The following NTN1 variants were observed in gnomAD, a reference collection of about 807,000 sequenced individuals.
NTN1 encodes the protein netrin 1.
Under a neutral mutation model 54.2 loss-of-function variants are expected in NTN1, and 11 were observed. That is an observed-to-expected ratio of 0.20 (90% CI 0.13 to 0.34). The LOEUF is 0.34. NTN1 is among the 10% of genes least tolerant of loss of function. The probability of loss-of-function intolerance (pLI) is 1.00; values close to 1 mark genes in which losing one functional copy is unlikely to be tolerated. For synonymous variants in NTN1, 371 were observed against 382.0 expected (o/e 0.97, Z 0.33); for missense variants, 740 against 893.1 (o/e 0.83, Z 2.18).
chr17:9,011,691 G>C, the NTN1 span, among the ~76,000 whole-genome samples: 1 of 152,180 alleles, frequency 6.6e-6, no homozygotes, highest in Admixed American at 6.5e-5. Context: ...CCAGGTTCAA[G>C]TGATTCTCCT....
At chr17:9,022,026 G>T (rs1201166557) in intron 1 of NTN1, among the ~76,000 whole-genome samples, 2 of 152,076 alleles carry the variant, frequency 1.3e-5, no homozygotes, top group African/African-American at 2.4e-5. Flanking sequence ...GGCTGGTCGC[G>T]GACGGGGAGA....
intron 2 of NTN1, among the ~76,000 whole-genome samples, chr17:9,052,616 A>G (rs1390341047): frequency 1.3e-5 from 2 of 152,246 alleles, no homozygotes; most frequent in Non-Finnish European, 2.9e-5. Context: ...GCTGCAGGTA[A>G]AAATATAAGT....
chr17:9,108,629 A>G (rs750367674), intron 2 of NTN1, among the ~76,000 whole-genome samples: 1 of 152,160 alleles, frequency 6.6e-6, no homozygotes, highest in Non-Finnish European at 1.5e-5. Flanking sequence ...ATGCCCAGGA[A>G]AGCAGATGTG....
the NTN1 span, among the ~76,000 whole-genome samples, chr17:9,007,415 CTCTT>C: frequency 1.3e-4 from 19 of 146,646 alleles, no homozygotes; most frequent in Non-Finnish European, 2.5e-4. Context: ...CTTTTCTTCT[CTCTT>C]TCTTTTTCTT....
chr17:9,186,776 G>A (rs970181696), intron 5 of NTN1, among the ~76,000 whole-genome samples: 3 of 152,218 alleles, frequency 2.0e-5, no homozygotes, highest in East Asian at 3.8e-4. Flanking sequence ...ACTTTTTCAC[G>A]GAAGGAAGTT....
At chr17:9,173,883 G>A (rs1446671686) in intron 3 of NTN1, 18 of 152,340 alleles carry the variant, frequency 1.2e-4, no homozygotes, top group Admixed American at 1.0e-3. Flanking sequence ...GACTAGGAAG[G>A]GAGTTTCCCA....
At chr17:9,169,448 G>A (rs1017809604) in intron 3 of NTN1, among the ~76,000 whole-genome samples, 1 of 152,212 alleles carries the variant, frequency 6.6e-6, no homozygotes, top group Non-Finnish European at 1.5e-5. Context: ...GCCAAACGGG[G>A]TCTCCCTGGC....
At chr17:9,082,386 T>A (rs2092074301) in intron 2 of NTN1, among the ~76,000 whole-genome samples, 1 of 152,214 alleles carries the variant, frequency 6.6e-6, no homozygotes, top group Non-Finnish European at 1.5e-5. Context: ...TAAAAATAAT[T>A]TTGCCTCAAT....
intron 6 of NTN1, among the ~76,000 whole-genome samples, chr17:9,225,226 G>T (rs66915323): frequency 6.6e-6 from 1 of 151,824 alleles, no homozygotes; most frequent in East Asian, 1.9e-4. Context: ...TTGCACTCCA[G>T]CCTGAGCAAC....
chr17:9,233,642 C>T (rs1174248534), intron 6 of NTN1, among the ~76,000 whole-genome samples: 2 of 151,936 alleles, frequency 1.3e-5, no homozygotes, highest in Non-Finnish European at 2.9e-5. Context: ...TCCAAGTCCC[C>T]CTCTGGAGGA....
At chr17:9,101,653 T>A (rs185650059) in intron 2 of NTN1, among the ~76,000 whole-genome samples, 1 of 152,260 alleles carries the variant, frequency 6.6e-6, no homozygotes, top group East Asian at 1.9e-4. Flanking sequence ...CAAGCCAGGA[T>A]TTCTTCCTAA....
At chr17:9,163,623 A>G (rs2092365584) in intron 3 of NTN1, among the ~76,000 whole-genome samples, 4 of 152,222 alleles carry the variant, frequency 2.6e-5, no homozygotes, top group Admixed American at 2.0e-4. Context: ...AAAAAAAATT[A>G]AAAGGAGACG....
intron 2 of NTN1, among the ~76,000 whole-genome samples, chr17:9,096,764 A>T (rs895711141): frequency 2.0e-5 from 3 of 152,142 alleles, no homozygotes; most frequent in African/African-American, 7.2e-5. Context: ...CACCATTCAG[A>T]ACAATTCTAA....
rs1378973992 is a variant in NTN1 at position 9,022,535 on chromosome 17, C to G, written c.162C>G (p.Asp54Glu). 6.4e-6 allele frequency: 10 copies of G among 1,551,116 alleles called. No homozygotes were observed. Among genetic ancestry groups the G allele is most frequent in the African/African-American group, 4.1e-5 (3 of 73,482 alleles). The change falls in exon 2 of 7, where the codon GAC becomes GAG. Residue 54 changes from aspartate to glutamate, a missense_variant. Transcript: ENST00000173229. ...GCCACCCGCGCCGCTGCATCCCGGACTTTGTCAATGCGGCCTTCGGCAAGG... is the reference window on the plus strand; with the variant it reads ...GCCACCCGCGCCGCTGCATCCCGGAGTTTGTCAATGCGGCCTTCGGCAAGG... ...ENGHPRRCIP[D>E]FVNAAFGKDV...
In NTN1 at chr17:9,096,717, C is replaced by A. The variant is rs569950549; in HGVS notation, c.1019-66096C>A. Among the ~76,000 whole-genome samples, 3 of 152,184 alleles carry A rather than the reference C, an allele frequency of 2.0e-5. No homozygotes were observed. In the East Asian group the frequency reaches 5.8e-4, roughly 29 times the overall value. On this transcript the variant is annotated intron_variant, in intron 2 of 6. Transcript: ENST00000173229. ...AATAATTCTGCCTTTTTCTTTTCTG[C>A]CATTCATTCTCTTTTCTTGTCTTCT...
At chr17:9,157,147 G>A (rs1029939325) in intron 2 of NTN1, among the ~76,000 whole-genome samples, 6 of 152,212 alleles carry the variant, frequency 3.9e-5, no homozygotes, top group African/African-American at 1.4e-4. Context: ...GTGGGCTGGA[G>A]GATATAAGAG....
chr17:9,217,254 T>G (rs1905235876), intron 5 of NTN1, among the ~76,000 whole-genome samples: 1 of 152,198 alleles, frequency 6.6e-6, no homozygotes, highest in South Asian at 2.1e-4. Flanking sequence ...AGCTGTGTCC[T>G]GAGGTAAAAC....
intron 2 of NTN1, among the ~76,000 whole-genome samples, chr17:9,079,768 G>T (rs1175913463): frequency 7.9e-6 from 1 of 126,206 alleles, no homozygotes; most frequent in African/African-American, 3.0e-5. Context: ...CTGTTTCCTG[G>T]TTCCCCCTGG....
intron 2 of NTN1, among the ~76,000 whole-genome samples, chr17:9,140,501 C>G (rs1251203890): frequency 6.6e-6 from 1 of 152,188 alleles, no homozygotes; most frequent in Non-Finnish European, 1.5e-5. Context: ...TGAACAAGCA[C>G]CAGAGCCAGA....
Sources: gnomAD v4.1 joint callset for allele counts (sites outside exome capture counted in the v4.1 genomes callset) on GRCh38, gnomAD v4.1.1 for gene constraint, MANE v1.5 for transcripts, NCBI Gene and HGNC (gene_info 2026-07-23, HGNC 2026-07-21) for gene names.